Variants in GPM6A observed in about 807,000 individuals in gnomAD.
GPM6A encodes glycoprotein M6A.
In GPM6A, 7 loss-of-function variants were observed where a neutral mutation model predicts 32.1. The ratio of observed to expected loss-of-function variants is 0.22; its 90% CI spans 0.12 to 0.41. The LOEUF (loss-of-function observed/expected upper bound fraction) is 0.41. Among genes scored for constraint, GPM6A ranks in the 10% least tolerant of loss-of-function variants. The probability of loss-of-function intolerance (pLI) is 1.00; values close to 1 mark genes in which losing one functional copy is unlikely to be tolerated. For missense variants in GPM6A, 235 were observed against 347.2 expected (o/e 0.68, Z 2.57); for synonymous variants, 130 against 123.4 (o/e 1.05, Z -0.35).
chr4:175,928,083 G>T (rs1272946105), intron 1 of GPM6A, among the ~76,000 whole-genome samples: 1 of 152,090 alleles, frequency 6.6e-6, no homozygotes, highest in East Asian at 1.9e-4. Flanking sequence ...TTTCTAGAGA[G>T]AAAATAGATT....
At chr4:175,994,676 G>A (rs186613314) in intron 1 of GPM6A, among the ~76,000 whole-genome samples, 89 of 152,320 alleles carry the variant, frequency 5.8e-4, no homozygotes, top group African/African-American at 2.0e-3. Flanking sequence ...CAGGGTGGTG[G>A]TTGCTGAAGG....
intron 1 of GPM6A, among the ~76,000 whole-genome samples, chr4:175,876,921 G>C (rs1177076743): frequency 6.6e-6 from 1 of 152,194 alleles, no homozygotes. Flanking sequence ...GAAGGGTCAA[G>C]AGACTGGTGA....
intron 1 of GPM6A, among the ~76,000 whole-genome samples, chr4:175,951,292 G>T (rs1299239740): frequency 6.6e-6 from 1 of 152,044 alleles, no homozygotes; most frequent in Non-Finnish European, 1.5e-5. Flanking sequence ...AGGAAAAATG[G>T]GTGGAAGAAC....
rs1736629650 is a variant in GPM6A at position 175,863,342 on chromosome 4, GTTTTTGTGGA to G, written c.-22-51103_-22-51094del. On this transcript the variant is annotated intron_variant, in intron 1 of 7. Coordinates refer to the GPM6A transcript ENST00000280187. ...TAAATAAAATCCTATACTATGCATA[GTTTTTGTGGA>G]TTTTTTTCACTCAGTATAATTATTT... Among the ~76,000 whole-genome samples the G allele has an allele frequency of 2.0e-5, 3 of 151,758 alleles. No homozygotes were observed. The South Asian group carries it at 6.2e-4, about 31-fold the overall frequency.
rs6820412 is a variant in GPM6A at position 175,633,823 on chromosome 4, T to G, written c.*1082A>C. On this transcript the variant is annotated 3_prime_UTR_variant, in exon 7 of 7. Coordinates refer to ENST00000393658, the MANE Select transcript of GPM6A (RefSeq NM_201591.3). ...TATAGGGGCCTCTGACCACACTTTA[T>G]AAAACACTACAGGTAAACCAACATA... 12,463 of 152,490 alleles carry G rather than the reference T, an allele frequency of 0.082. 757 individuals are homozygous for G. Among genetic ancestry groups the G allele is most frequent in the African/African-American group, 0.16 (6,801 of 41,514 alleles). The allele number at this position is 152,490 out of a possible 1,614,324, so 9.4% of individuals were successfully genotyped here. A position where few individuals can be genotyped will look rare whatever the true frequency, so the allele number is the denominator to read the frequency against.
chr4:175,875,907 C>T (rs1032757983), intron 1 of GPM6A, among the ~76,000 whole-genome samples: 1 of 151,990 alleles, frequency 6.6e-6, no homozygotes, highest in South Asian at 2.1e-4. Flanking sequence ...GTAGACTAAC[C>T]CTTGATGTAA....
At chr4:175,724,708 G>C (rs905186205) in intron 1 of GPM6A, among the ~76,000 whole-genome samples, 10 of 152,142 alleles carry the variant, frequency 6.6e-5, no homozygotes, top group African/African-American at 2.4e-4. Flanking sequence ...AACTGAGATA[G>C]CTTGAGAGTC....
At chr4:175,917,269 T>G (rs747924339) in intron 1 of GPM6A, among the ~76,000 whole-genome samples, 30 of 152,102 alleles carry the variant, frequency 2.0e-4, no homozygotes, top group South Asian at 2.1e-4. Context: ...GTTTTGTTTT[T>G]TTTTAATCTT....
chr4:175,745,293 G>A (rs1194660686), intron 1 of GPM6A, among the ~76,000 whole-genome samples: 2 of 152,160 alleles, frequency 1.3e-5, no homozygotes, highest in African/African-American at 2.4e-5. Context: ...TTATTCAGCA[G>A]TAGCTTAACA....
chr4:175,833,091 G>T (rs1735663903), intron 1 of GPM6A, among the ~76,000 whole-genome samples: 1 of 152,140 alleles, frequency 6.6e-6, no homozygotes, highest in Non-Finnish European at 1.5e-5. Context: ...CCCCCAAAAG[G>T]TAAGATTGCT....
intron 1 of GPM6A, among the ~76,000 whole-genome samples, chr4:175,966,101 G>A (rs1343334975): frequency 1.3e-5 from 2 of 152,028 alleles, no homozygotes; most frequent in African/African-American, 4.8e-5. Flanking sequence ...GAACATTTTT[G>A]TGCCCTTAAA....
chr4:175,637,190 ATATAT>A (rs1214494697), intron 6 of GPM6A, among the ~76,000 whole-genome samples: 31 of 107,866 alleles, frequency 2.9e-4, no homozygotes, highest in Admixed American at 2.5e-4. Flanking sequence ...GACATATATC[ATATAT>A]TATATGTGAC....
intron 3 of GPM6A, among the ~76,000 whole-genome samples, chr4:175,671,800 T>C (rs1743087082): frequency 6.6e-6 from 1 of 152,124 alleles, no homozygotes; most frequent in African/African-American, 2.4e-5. Context: ...CGCAGAAGAA[T>C]GCAGCTCCTA....
At chr4:175,909,452 C>T (rs1165367252) in intron 1 of GPM6A, among the ~76,000 whole-genome samples, 1 of 152,058 alleles carries the variant, frequency 6.6e-6, no homozygotes, top group Non-Finnish European at 1.5e-5. Context: ...CATGAGTAAA[C>T]TGTTATTAAT....
intron 1 of GPM6A, among the ~76,000 whole-genome samples, chr4:175,764,561 C>T (rs185769202): frequency 7.8e-4 from 118 of 152,176 alleles, no homozygotes; most frequent in Non-Finnish European, 1.5e-3. Flanking sequence ...TTGGGGAAAA[C>T]TGTTTTCATT....
intron 1 of GPM6A, among the ~76,000 whole-genome samples, chr4:175,875,373 T>C (rs1029388441): frequency 2.0e-5 from 3 of 152,104 alleles, no homozygotes; most frequent in African/African-American, 7.2e-5. Context: ...CTCTCCCCAA[T>C]TTACACACAA....
At chr4:175,767,865 G>C (rs1733035394) in intron 1 of GPM6A, among the ~76,000 whole-genome samples, 1 of 152,192 alleles carries the variant, frequency 6.6e-6, no homozygotes, top group Non-Finnish European at 1.5e-5. Flanking sequence ...CTGGCACTGG[G>C]AGAAACTATA....
At position 175,713,403 on chromosome 4, in the gene GPM6A, G is replaced by A. The variant is rs1745661508; in HGVS notation, c.38-11636C>T. On this transcript the variant is annotated intron_variant, in intron 1 of 6. Coordinates refer to ENST00000393658, the MANE Select transcript of GPM6A (RefSeq NM_201591.3). ...AGACGGGGTTTCATCATATTGGTCA[G>A]GCTGGTCTTGAACTCCTGACCTTGT... Among the ~76,000 whole-genome samples, 4 of 152,104 alleles carry A rather than the reference G, an allele frequency of 2.6e-5. 1 individual carries two copies. In the South Asian group the frequency reaches 8.3e-4, roughly 32 times the overall value.
chr4:175,904,447 CAT>C (rs759048282), intron 1 of GPM6A, among the ~76,000 whole-genome samples: 4 of 152,060 alleles, frequency 2.6e-5, no homozygotes, highest in East Asian at 1.9e-4. Flanking sequence ...TATACACACA[CAT>C]ATATATACAC....
Sources: gnomAD v4.1 joint callset for allele counts (sites outside exome capture counted in the v4.1 genomes callset) on GRCh38, gnomAD v4.1.1 for gene constraint, MANE v1.5 for transcripts, NCBI Gene and HGNC (gene_info 2026-07-23, HGNC 2026-07-21) for gene names.